ABI3BP: variants seen among roughly 807,000 people sequenced by gnomAD.
The protein encoded by ABI3BP is target of Nesh-SH3.
Under a neutral mutation model 268.6 loss-of-function variants are expected in ABI3BP, and 216 were observed. That is an observed-to-expected ratio of 0.80 (90% confidence interval 0.72 to 0.90). ABI3BP has a LOEUF of 0.90. Among genes scored for constraint, ABI3BP ranks in the 40% least tolerant of loss-of-function variants. ABI3BP has a pLI of 0.00. For missense variants in ABI3BP, 2,090 were observed against 2,182.4 expected, an observed-to-expected ratio of 0.96 and a Z score of 0.84; for synonymous variants, 730 against 730.0, an observed-to-expected ratio of 1.00 and a Z score of 0.00.
intron 1 of ABI3BP, among the ~76,000 whole-genome samples, chr3:100,977,647 C>G (rs976899133): frequency 6.6e-6 from 1 of 152,184 alleles, no homozygotes; most frequent in Non-Finnish European, 1.5e-5. Context: ...ACTGCAATGT[C>G]CTTTATGATT....
intron 50 of ABI3BP, among the ~76,000 whole-genome samples, chr3:100,805,849 A>C (rs1453292139): frequency 6.6e-6 from 1 of 152,078 alleles, no homozygotes; most frequent in African/African-American, 2.4e-5. Context: ...TGTCAAAATG[A>C]TGTGAAAATT....
chr3:100,778,958 C>T (rs993045059), intron 58 of ABI3BP, among the ~76,000 whole-genome samples: 2 of 152,116 alleles, frequency 1.3e-5, no homozygotes, highest in South Asian at 2.1e-4. Context: ...GCTATAAACA[C>T]GCATAGAATT....
intron 1 of ABI3BP, among the ~76,000 whole-genome samples, chr3:100,955,975 G>T (rs2076681473): frequency 1.3e-5 from 2 of 152,146 alleles, no homozygotes; most frequent in South Asian, 2.1e-4. Context: ...ATCACCTGAG[G>T]TCAGGAGTTC....
At chr3:100,959,489 C>CAA (rs35465693) in intron 1 of ABI3BP, among the ~76,000 whole-genome samples, 363 of 35,632 alleles carry the variant, frequency 0.01, 6 homozygotes, top group African/African-American at 0.013. Context: ...GACTCCGTCT[C>CAA]AAAAAAAAAA....
At chr3:100,830,937 T>C (rs1296844308) in intron 31 of ABI3BP, among the ~76,000 whole-genome samples, 1 of 152,288 alleles carries the variant, frequency 6.6e-6, no homozygotes, top group Middle Eastern at 3.4e-3. Flanking sequence ...AAAATCTGGC[T>C]AGTCATTTTC....
intron 56 of ABI3BP, among the ~76,000 whole-genome samples, chr3:100,788,092 T>G (rs1372089730): frequency 6.6e-6 from 1 of 152,124 alleles, no homozygotes; most frequent in Admixed American, 6.6e-5. Context: ...CTTGTTTCAT[T>G]TATAGGCATT....
chr3:100,820,321 T>G lies in ABI3BP; in HGVS notation c.2948-18A>C. The G allele has an allele frequency of 3.3e-6, 5 of 1,533,516 alleles. No individual in the cohort carries two copies. The highest frequency in any genetic ancestry group is 4.4e-6 in the Non-Finnish European group (5 of 1,144,808). 95.0% of individuals were successfully genotyped at this position (1,533,516 alleles called of 1,614,324 possible). Reference sequence around the variant, plus strand: ...TTTAGGAGCTGAAGAAAGAAAACCTTTAGTTACTACAGAGTCCGTAGCTCC... The same window carrying G: ...TTTAGGAGCTGAAGAAAGAAAACCTGTAGTTACTACAGAGTCCGTAGCTCC... On this transcript the variant is annotated intron_variant, in intron 39 of 67. Coordinates refer to ENST00000471714, the MANE Select transcript of ABI3BP (RefSeq NM_001375547.2).
intron 4 of ABI3BP, among the ~76,000 whole-genome samples, chr3:100,897,922 AAGTTTCTGAGTTTTGAAGCTAATAT>A (rs1479570344): frequency 6.6e-6 from 1 of 152,216 alleles, no homozygotes; most frequent in African/African-American, 2.4e-5. Context: ...TTCTAGATGC[AAGTTTCTGAGTTTTGAAGCTAATAT>A]AGTAAATATT....
chr3:100,921,705 A>G (rs769414332), intron 2 of ABI3BP, among the ~76,000 whole-genome samples: 60 of 152,232 alleles, frequency 3.9e-4, no homozygotes, highest in Non-Finnish European at 5.7e-4. Context: ...AATTTCCAAA[A>G]TGGCAAAAGG....
intron 2 of ABI3BP, among the ~76,000 whole-genome samples, chr3:100,920,209 G>A (rs963467964): frequency 1.6e-4 from 24 of 152,082 alleles, no homozygotes; most frequent in African/African-American, 5.8e-4. Flanking sequence ...CCACAAAACT[G>A]CCACTTAGAC....
At chr3:100,777,898 A>G (rs1377504631) in intron 59 of ABI3BP, among the ~76,000 whole-genome samples, 1 of 152,224 alleles carries the variant, frequency 6.6e-6, no homozygotes, top group African/African-American at 2.4e-5. Flanking sequence ...TCAGTGGGAC[A>G]TATAGAATTT....
intron 66 of ABI3BP, 95 bp from the exon 67 acceptor site, chr3:100,751,769 C>CT (rs2095341044): frequency 7.8e-7 from 1 of 1,285,128 alleles, no homozygotes; most frequent in Non-Finnish European, 1.0e-6. Flanking sequence ...ACTTTCTCCC[C>CT]TCATTCTCTA....
At chr3:100,882,233 T>G (rs1314602267) in intron 6 of ABI3BP, among the ~76,000 whole-genome samples, 1 of 152,124 alleles carries the variant, frequency 6.6e-6, no homozygotes, top group African/African-American at 2.4e-5. Context: ...CTTGAAGTAT[T>G]GCCTTCTAAG....
chr3:100,840,907 A>T (rs1334512629), intron 21 of ABI3BP, 49 bp from the exon 22 acceptor site: 1 of 1,427,410 alleles, frequency 7.0e-7, no homozygotes, highest in South Asian at 1.3e-5. Flanking sequence ...ATCAAAGGAA[A>T]AATGACATGT....
At chr3:100,946,395 C>G (rs2072317689) in intron 1 of ABI3BP, among the ~76,000 whole-genome samples, 1 of 149,462 alleles carries the variant, frequency 6.7e-6, no homozygotes, top group South Asian at 2.1e-4. Flanking sequence ...AAGATGAGAT[C>G]ACTTATTTTG....
chr3:100,852,880 A>G (rs2098872535), intron 14 of ABI3BP, among the ~76,000 whole-genome samples: 1 of 152,202 alleles, frequency 6.6e-6, no homozygotes, highest in Non-Finnish European at 1.5e-5. Context: ...AGCATCACAA[A>G]GTGTTCTCTT....
At chr3:100,842,121 G>A (rs1424919059) in intron 20 of ABI3BP, 82 bp from the exon 21 acceptor site, 23 of 1,190,912 alleles carry the variant, frequency 1.9e-5, no homozygotes, top group African/African-American at 7.6e-5. Flanking sequence ...GACTATAAAC[G>A]GAGTTCTCTC....
intron 1 of ABI3BP, among the ~76,000 whole-genome samples, chr3:100,940,827 T>G (rs2068773319): frequency 1.0e-5 from 1 of 96,770 alleles, no homozygotes; most frequent in African/African-American, 3.9e-5. Flanking sequence ...TATATATATA[T>G]ATATGATATG....
chr3:100,902,894 C>A (rs111547899), intron 2 of ABI3BP, among the ~76,000 whole-genome samples: 11 of 152,216 alleles, frequency 7.2e-5, no homozygotes, highest in African/African-American at 2.6e-4. Context: ...TTTTCCAAAC[C>A]AAATGGGCAA....
Sources: gnomAD v4.1 joint callset for allele counts (sites outside exome capture counted in the v4.1 genomes callset) on GRCh38, gnomAD v4.1.1 for gene constraint, MANE v1.5 for transcripts, NCBI Gene and HGNC (gene_info 2026-07-23, HGNC 2026-07-21) for gene names.